GALNTL6: variants seen among roughly 807,000 people sequenced by gnomAD.
GALNTL6 encodes the protein polypeptide N-acetylgalactosaminyltransferase-like 6.
A neutral mutation model predicts 73.7 loss-of-function variants in GALNTL6; 46 were observed. That is an observed-to-expected ratio of 0.62 (90% CI 0.49 to 0.80). GALNTL6 has a LOEUF of 0.80. Among genes scored for constraint, GALNTL6 ranks in the 30% least tolerant of loss-of-function variants. The pLI, the probability that GALNTL6 is intolerant of heterozygous loss-of-function variation, is 0.00. For missense variants in GALNTL6, 604 were observed against 755.0 expected (o/e 0.80, Z 2.34); for synonymous variants, 259 against 263.7 (o/e 0.98, Z 0.17).
At chr4:172,282,257 A>T (rs1465866355) in intron 3 of GALNTL6, among the ~76,000 whole-genome samples, 1 of 152,192 alleles carries the variant, frequency 6.6e-6, no homozygotes, top group Non-Finnish European at 1.5e-5. Context: ...ATATTCAGAT[A>T]TCCACGTACG....
At chr4:172,790,886 G>A (rs1290718007) in intron 5 of GALNTL6, among the ~76,000 whole-genome samples, 1 of 130,788 alleles carries the variant, frequency 7.6e-6, no homozygotes, top group Non-Finnish European at 1.6e-5. Flanking sequence ...GCTACAGAGT[G>A]AGACTCCATC....
At chr4:172,959,363 G>A (rs926066186) in intron 10 of GALNTL6, among the ~76,000 whole-genome samples, 3 of 152,006 alleles carry the variant, frequency 2.0e-5, no homozygotes, top group African/African-American at 4.8e-5. Flanking sequence ...CTGGGCAGGT[G>A]GGGATAACTA....
rs147201781 is a variant in GALNTL6 at position 171,850,001 on chromosome 4, C to T, written c.138+35283C>T. Among the ~76,000 whole-genome samples, 664 of 152,264 alleles carry T rather than the reference C, an allele frequency of 4.4e-3. 6 individuals carry two copies. The highest frequency in any genetic ancestry group is 0.015 in the African/African-American group (638 of 41,558). ...TTTTGTTTGAGACAGAGTCTCACTG[C>T]CATGCCCAGGCTGGAGTGCAATGGT... On this transcript the variant is annotated intron_variant, in intron 2 of 12. Transcript: ENST00000506823.
At chr4:172,630,393 A>G (rs1739342450) in intron 5 of GALNTL6, among the ~76,000 whole-genome samples, 1 of 152,070 alleles carries the variant, frequency 6.6e-6, no homozygotes, top group African/African-American at 2.4e-5. Flanking sequence ...TTTATAACAA[A>G]TCATCTCTAG....
At position 171,958,146 on chromosome 4, in the gene GALNTL6, C is replaced by T. The variant is rs1301667669; in HGVS notation, c.138+143428C>T. On this transcript the variant is annotated intron_variant, in intron 2 of 12. Transcript: ENST00000506823. ...CTGCTTTACCTCTTCCTAGTGATTA[C>T]TGATATCCTTGAAATTATTGGTAAT... Among the ~76,000 whole-genome samples the T allele has an allele frequency of 2.0e-5, 3 of 152,100 alleles. No individual in the cohort carries two copies. The East Asian group carries it at 5.8e-4, about 29-fold the overall frequency.
rs28634015 is a variant in GALNTL6 at position 172,000,210 on chromosome 4, A to G, written c.138+185492A>G. On this transcript the variant is annotated intron_variant, in intron 2 of 12. Coordinates refer to ENST00000506823, the MANE Select transcript of GALNTL6 (RefSeq NM_001034845.3). ...TGTTAAATGCTCAATGATTATATAA[A>G]TAAATGAGATATAATTGAACAATTA... Among the ~76,000 whole-genome samples the G allele has an allele frequency of 9.0e-3, 1,373 of 152,318 alleles. 26 individuals carry two copies. The highest frequency in any genetic ancestry group is 0.031 in the African/African-American group (1,276 of 41,576).
chr4:172,447,636 C>T (rs1359239953), intron 5 of GALNTL6, among the ~76,000 whole-genome samples: 2 of 152,220 alleles, frequency 1.3e-5, no homozygotes, highest in East Asian at 1.9e-4. Context: ...AATGCATTTA[C>T]GGCCAGTGTC....
intron 7 of GALNTL6, among the ~76,000 whole-genome samples, chr4:172,863,086 A>T (rs1744480976): frequency 6.6e-6 from 1 of 152,244 alleles, no homozygotes; most frequent in South Asian, 2.1e-4. Context: ...TCAGGTTTGG[A>T]AACTTCCACA....
rs532496325 is a variant in GALNTL6 at position 171,903,285 on chromosome 4, C to T, written c.138+88567C>T. Among the ~76,000 whole-genome samples the T allele has an allele frequency of 7.6e-3, 1,153 of 152,104 alleles. 11 individuals carry two copies. Among genetic ancestry groups the T allele is most frequent in the Non-Finnish European group, 0.012 (812 of 68,000 alleles). On this transcript the variant is annotated intron_variant, in intron 2 of 12. Coordinates refer to ENST00000506823, the MANE Select transcript of GALNTL6 (RefSeq NM_001034845.3). ...CAGTGGGCGCAGGTCAGTGGGTGCG[C>T]GCACCGTGCGCGAGCTGAAGCAGGG...
At chr4:172,586,169 C>T (rs1222527080) in intron 5 of GALNTL6, among the ~76,000 whole-genome samples, 1 of 152,120 alleles carries the variant, frequency 6.6e-6, no homozygotes, top group Non-Finnish European at 1.5e-5. Context: ...CTTTAAACTC[C>T]TTGAGAAAAT....
chr4:172,759,738 C>T (rs1332414115), intron 5 of GALNTL6, among the ~76,000 whole-genome samples: 2 of 148,634 alleles, frequency 1.3e-5, no homozygotes, highest in South Asian at 2.1e-4. Flanking sequence ...GGATATTACA[C>T]AGAGAAGGAA....
chr4:172,395,758 G>A (rs916912256), intron 5 of GALNTL6, among the ~76,000 whole-genome samples: 1 of 152,060 alleles, frequency 6.6e-6, no homozygotes, highest in South Asian at 2.1e-4. Flanking sequence ...AGAGTAAATA[G>A]CAAAGTTTTT....
At chr4:172,710,588 T>G (rs1734642656) in intron 5 of GALNTL6, among the ~76,000 whole-genome samples, 1 of 152,174 alleles carries the variant, frequency 6.6e-6, no homozygotes, top group African/African-American at 2.4e-5. Context: ...CAACTATGTC[T>G]TGCTGTTTTG....
intron 5 of GALNTL6, among the ~76,000 whole-genome samples, chr4:172,527,471 G>T (rs187289003): frequency 6.6e-6 from 1 of 152,198 alleles, no homozygotes; most frequent in Non-Finnish European, 1.5e-5. Context: ...GAAGACTGTA[G>T]ATGCTTACTT....
At chr4:172,265,770 T>C (rs113956075) in intron 3 of GALNTL6, among the ~76,000 whole-genome samples, 272 of 152,180 alleles carry the variant, frequency 1.8e-3, no homozygotes, top group African/African-American at 5.9e-3. Flanking sequence ...TTTTCCTTCT[T>C]TTGTTTATAA....
rs186696401 is a variant in GALNTL6 at position 172,933,291 on chromosome 4, T to C, written c.1149+2023T>C. ...ATCCTTCCAAGACAATGGGTGTGTA[T>C]GCTTGCTTCGTAGTCTAAAGTAGAG... On this transcript the variant is annotated intron_variant, in intron 9 of 12. Coordinates refer to ENST00000506823, the MANE Select transcript of GALNTL6 (RefSeq NM_001034845.3). Among the ~76,000 whole-genome samples, 176 of 152,220 alleles carry C rather than the reference T, an allele frequency of 1.2e-3. 3 individuals are homozygous for C. The highest frequency in any genetic ancestry group is 2.1e-3 in the South Asian group (10 of 4,832).
At chr4:172,427,431 G>T (rs1579061816) in intron 5 of GALNTL6, among the ~76,000 whole-genome samples, 1 of 152,010 alleles carries the variant, frequency 6.6e-6, no homozygotes, top group East Asian at 1.9e-4. Flanking sequence ...CCTCCCACCA[G>T]GTCCTTACCA....
At chr4:172,538,874 T>G (rs1409002791) in intron 5 of GALNTL6, among the ~76,000 whole-genome samples, 1 of 152,204 alleles carries the variant, frequency 6.6e-6, no homozygotes, top group South Asian at 2.1e-4. Context: ...CAGAAACCAA[T>G]GAAAGCCCTC....
chr4:172,616,558 T>C (rs1738742776), intron 5 of GALNTL6, among the ~76,000 whole-genome samples: 1 of 151,076 alleles, frequency 6.6e-6, no homozygotes, highest in Non-Finnish European at 1.5e-5. Flanking sequence ...TTGCAAAGTT[T>C]TTTTTTCCTG....
Sources: allele counts gnomAD v4.1 joint callset (sites outside exome capture counted in the v4.1 genomes callset), GRCh38; gene constraint gnomAD v4.1.1; transcripts MANE v1.5; gene names NCBI Gene and HGNC (gene_info 2026-07-23, HGNC 2026-07-21).